The following MAGI1 variants were observed in gnomAD, a reference collection of about 807,000 sequenced individuals.
MAGI1 encodes membrane-associated guanylate kinase, WW and PDZ domain-containing protein 1.
Under a neutral mutation model 139.9 loss-of-function variants are expected in MAGI1, and 58 were observed. That is an observed-to-expected ratio of 0.41 (90% CI 0.34 to 0.52). The LOEUF is 0.52. Ranked by LOEUF, MAGI1 falls within the 20% of genes least tolerant of loss-of-function variation. The pLI is 0.12. For missense variants in MAGI1, 1,874 were observed against 1,901.6 expected, an observed-to-expected ratio of 0.99 and a Z score of 0.27; for synonymous variants, 812 against 737.9, an observed-to-expected ratio of 1.10 and a Z score of -1.63.
intron 2 of MAGI1, among the ~76,000 whole-genome samples, chr3:65,540,245 T>C (rs1167252780): frequency 1.3e-5 from 2 of 152,208 alleles, no homozygotes; most frequent in African/African-American, 4.8e-5. Flanking sequence ...TCTCAGTTTA[T>C]ACATGCCTTC....
intron 1 of MAGI1, among the ~76,000 whole-genome samples, chr3:65,639,867 T>A (rs2084887483): frequency 6.6e-6 from 1 of 151,658 alleles, no homozygotes; most frequent in Admixed American, 6.6e-5. Flanking sequence ...CCAGGCGTGG[T>A]GGTGCATGCC....
chr3:65,408,251 G>C (rs572018603), intron 12 of MAGI1, among the ~76,000 whole-genome samples: 1 of 152,140 alleles, frequency 6.6e-6, no homozygotes, highest in Non-Finnish European at 1.5e-5. Context: ...AAGTAGAGGG[G>C]CCAATGGGAA....
At chr3:65,476,000 A>G (rs4688568) in intron 4 of MAGI1, among the ~76,000 whole-genome samples, 83,751 of 151,192 alleles carry the variant, frequency 0.55, 24,862 homozygotes, top group East Asian at 0.94. Context: ...TATGATGCTC[A>G]TGCCTTTATC....
chr3:65,580,460 A>G (rs1019343644), intron 2 of MAGI1, among the ~76,000 whole-genome samples: 1 of 152,188 alleles, frequency 6.6e-6, no homozygotes, highest in Non-Finnish European at 1.5e-5. Context: ...CCAAAGTCAA[A>G]CACCAAAAGT....
intron 1 of MAGI1, among the ~76,000 whole-genome samples, chr3:65,736,571 T>A (rs73133503): frequency 0.14 from 21,224 of 151,972 alleles, 1,959 homozygotes; most frequent in Non-Finnish European, 0.21. Flanking sequence ...GAACCTGGGG[T>A]GGGTAAGGGC....
intron 2 of MAGI1, among the ~76,000 whole-genome samples, chr3:65,517,029 C>T (rs887009303): frequency 2.6e-5 from 4 of 152,144 alleles, no homozygotes; most frequent in Non-Finnish European, 5.9e-5. Context: ...CGCCCGGCCC[C>T]ATCCCACCTC....
At chr3:66,035,966 C>T (rs1441293940) in intron 1 of MAGI1, among the ~76,000 whole-genome samples, 1 of 152,194 alleles carries the variant, frequency 6.6e-6, no homozygotes, top group Non-Finnish European at 1.5e-5. Flanking sequence ...ACTGCAAACA[C>T]TGCAAGCCAG....
intron 1 of MAGI1, among the ~76,000 whole-genome samples, chr3:65,963,403 G>A (rs2064562783): frequency 6.6e-6 from 1 of 151,778 alleles, no homozygotes. Flanking sequence ...GGATCACAAG[G>A]TCAAGAGATC....
chr3:65,979,700 A>G (rs1269353324), intron 1 of MAGI1, among the ~76,000 whole-genome samples: 2 of 152,210 alleles, frequency 1.3e-5, no homozygotes, highest in Non-Finnish European at 2.9e-5. Flanking sequence ...CGATAGGTAG[A>G]TAAACTTGAT....
intron 1 of MAGI1, among the ~76,000 whole-genome samples, chr3:65,889,016 T>C (rs1316110367): frequency 6.6e-6 from 1 of 152,222 alleles, no homozygotes; most frequent in Non-Finnish European, 1.5e-5. Context: ...AAAGATATAA[T>C]GTATAATGAC....
chr3:65,846,976 C>CAAAA (rs58391331), intron 1 of MAGI1, among the ~76,000 whole-genome samples: 2,469 of 80,850 alleles, frequency 0.031, 206 homozygotes, highest in East Asian at 0.12. Context: ...CAATGTCTTA[C>CAAAA]AAAAAAAAAA....
chr3:65,634,893 G>A (rs2084519277), intron 1 of MAGI1, among the ~76,000 whole-genome samples: 1 of 152,100 alleles, frequency 6.6e-6, no homozygotes, highest in African/African-American at 2.4e-5. Flanking sequence ...ATTTGGGGAT[G>A]AGTTATCATG....
intron 1 of MAGI1, among the ~76,000 whole-genome samples, chr3:65,776,342 T>A (rs1399186899): frequency 4.0e-5 from 6 of 151,220 alleles, no homozygotes; most frequent in Admixed American, 4.0e-4. Context: ...CAAATATTAA[T>A]GTCAAAAAAA....
At chr3:65,864,608 A>C (rs1473107404) in intron 1 of MAGI1, among the ~76,000 whole-genome samples, 2 of 152,228 alleles carry the variant, frequency 1.3e-5, no homozygotes, top group Non-Finnish European at 2.9e-5. Context: ...AGTACTTTTC[A>C]TTCTGGTTTC....
At chr3:65,630,559 C>A (rs987265529) in intron 1 of MAGI1, among the ~76,000 whole-genome samples, 1 of 152,144 alleles carries the variant, frequency 6.6e-6, no homozygotes, top group Non-Finnish European at 1.5e-5. Flanking sequence ...AAAATAATGT[C>A]TTTTGCAGCA....
intron 2 of MAGI1, among the ~76,000 whole-genome samples, chr3:65,550,801 C>CA (rs398105961): frequency 0.66 from 96,951 of 146,314 alleles, 32,132 homozygotes; most frequent in East Asian, 0.88. Context: ...CCCATGTCCA[C>CA]AAAAAAAAAA....
intron 1 of MAGI1, among the ~76,000 whole-genome samples, chr3:65,998,605 G>A (rs2107422858): frequency 6.6e-6 from 1 of 152,208 alleles, no homozygotes; most frequent in Non-Finnish European, 1.5e-5. Context: ...AATCTGTTAG[G>A]CCTTCCTTAT....
intron 1 of MAGI1, among the ~76,000 whole-genome samples, chr3:65,822,018 A>G (rs1575609305): frequency 6.6e-6 from 1 of 152,342 alleles, no homozygotes; most frequent in African/African-American, 2.4e-5. Context: ...TCAAGTGCCT[A>G]TAACACCTAC....
chr3:65,498,784 T>A (rs2076972322), intron 2 of MAGI1, among the ~76,000 whole-genome samples: 2 of 152,168 alleles, frequency 1.3e-5, no homozygotes, highest in Admixed American at 1.3e-4. Flanking sequence ...TGGTAGCCCC[T>A]AGCCACATGT....
Sources: allele counts gnomAD v4.1 joint callset (sites outside exome capture counted in the v4.1 genomes callset), GRCh38; gene constraint gnomAD v4.1.1; transcripts MANE v1.5; gene names NCBI Gene and HGNC (gene_info 2026-07-23, HGNC 2026-07-21).